Variants in FRMPD1 observed in about 807,000 individuals in gnomAD.
The protein encoded by FRMPD1 is FERM and PDZ domain-containing protein 1.
Under a neutral mutation model 117.8 loss-of-function variants are expected in FRMPD1, and 76 were observed. The observed-to-expected ratio is 0.65, with a 90% CI of 0.54 to 0.78. FRMPD1 has a LOEUF of 0.78. Among genes scored for constraint, FRMPD1 ranks in the 30% least tolerant of loss-of-function variants. The pLI is 0.00. For synonymous variants in FRMPD1, 783 were observed against 770.4 expected, an observed-to-expected ratio of 1.02 and a Z score of -0.27; for missense variants, 1,786 against 1,964.5, an observed-to-expected ratio of 0.91 and a Z score of 1.72.
chr9:37,738,561 G>A (rs1261041576), intron 14 of FRMPD1, among the ~76,000 whole-genome samples: 1 of 152,062 alleles, frequency 6.6e-6, no homozygotes, highest in African/African-American at 2.4e-5. Flanking sequence ...CTGGTCTCGA[G>A]CCCCTGACCT....
At chr9:37,643,461 TG>T in the FRMPD1 span, among the ~76,000 whole-genome samples, 1 of 152,216 alleles carries the variant, frequency 6.6e-6, no homozygotes, top group African/African-American at 2.4e-5. Context: ...CAGTTTTCAG[TG>T]GTGTTCATTA....
chr9:37,707,624 T>G, intron 3 of FRMPD1, 51 bp downstream of exon 3: 1 of 1,458,830 alleles, frequency 6.9e-7, no homozygotes, highest in Non-Finnish European at 9.6e-7. Flanking sequence ...TAAGGGGAAA[T>G]AGCCCCAAAT....
intron 1 of FRMPD1, among the ~76,000 whole-genome samples, chr9:37,662,922 A>G (rs1821043615): frequency 6.6e-6 from 1 of 152,200 alleles, no homozygotes; most frequent in African/African-American, 2.4e-5. Flanking sequence ...AAGAGAATTA[A>G]TCTATCTTTT....
chr9:37,739,720 TA>T (rs1824292328), intron 14 of FRMPD1, among the ~76,000 whole-genome samples: 1 of 152,322 alleles, frequency 6.6e-6, no homozygotes, highest in East Asian at 1.9e-4. Context: ...CCAGGCAGGA[TA>T]GAACTGAGGT....
chr9:37,719,429 A>G (rs1823298252), intron 6 of FRMPD1, among the ~76,000 whole-genome samples: 1 of 152,200 alleles, frequency 6.6e-6, no homozygotes, highest in Non-Finnish European at 1.5e-5. Context: ...CTGTGACTCC[A>G]TTCTTCTGCC....
chr9:37,732,869 T>G (rs77326708), intron 10 of FRMPD1, among the ~76,000 whole-genome samples: 1,658 of 152,344 alleles, frequency 0.011, 27 homozygotes, highest in African/African-American at 0.038. Flanking sequence ...CTTAGAATTG[T>G]TCTGGACAGC....
intron 1 of FRMPD1, among the ~76,000 whole-genome samples, chr9:37,680,513 G>A (rs903911075): frequency 1.3e-5 from 2 of 152,196 alleles, no homozygotes; most frequent in African/African-American, 2.4e-5. Context: ...TGTTTTGCAG[G>A]TGTGGTGGTC....
intron 1 of FRMPD1, among the ~76,000 whole-genome samples, chr9:37,657,681 C>G (rs1247672251): frequency 6.6e-6 from 1 of 152,218 alleles, no homozygotes; most frequent in Non-Finnish European, 1.5e-5. Flanking sequence ...GTACTTAGCT[C>G]TTTGCAAAAA....
At chr9:37,647,832 G>A (rs1588896782), upstream of FRMPD1, among the ~76,000 whole-genome samples, 1 of 152,200 alleles carries the variant, frequency 6.6e-6, no homozygotes, top group Non-Finnish European at 1.5e-5. Context: ...GGAAGAAGAA[G>A]TTTGTCCAAT....
At position 37,707,701 on chromosome 9, in the gene FRMPD1, C is replaced by G. The variant is rs1822764358; in HGVS notation, c.259+128C>G. ...TACCTGGGAAGTTAGAAAAGGCACA[C>G]CTAATTCTGTCTTGGGCTTTGCACC... On this transcript the variant is annotated intron_variant, in intron 3 of 15. Coordinates refer to ENST00000377765, the MANE Select transcript of FRMPD1 (RefSeq NM_014907.3). The G allele has an allele frequency of 1.4e-5, 11 of 776,798 alleles. No homozygotes were observed. The Admixed American group carries it at 2.5e-4, about 17-fold the overall frequency. 48.1% of individuals were successfully genotyped at this position (776,798 alleles called of 1,614,324 possible).
intron 7 of FRMPD1, among the ~76,000 whole-genome samples, chr9:37,727,317 A>C (rs1376152576): frequency 6.6e-6 from 1 of 152,158 alleles, no homozygotes; most frequent in African/African-American, 2.4e-5. Context: ...TGAGTATTTT[A>C]GGTTTTGCAG....
At chr9:37,638,609 C>T in the FRMPD1 span, among the ~76,000 whole-genome samples, 2 of 152,130 alleles carry the variant, frequency 1.3e-5, no homozygotes, top group African/African-American at 2.4e-5. Context: ...TGCAGAAAGT[C>T]GAGGATGTCT....
the FRMPD1 span, among the ~76,000 whole-genome samples, chr9:37,605,562 C>T: frequency 6.6e-6 from 1 of 152,130 alleles, no homozygotes; most frequent in Non-Finnish European, 1.5e-5. Context: ...AGAGGAGCCC[C>T]CTGCTAATGG....
chr9:37,693,075 C>T (rs1304669814), intron 2 of FRMPD1: 4 of 287,422 alleles, frequency 1.4e-5, no homozygotes, highest in Non-Finnish European at 2.7e-5. Flanking sequence ...AGCACACACT[C>T]ATACATACAC....
chr9:37,671,193 C>T (rs1161331697), intron 1 of FRMPD1, among the ~76,000 whole-genome samples: 7 of 152,228 alleles, frequency 4.6e-5, no homozygotes, highest in Admixed American at 4.6e-4. Context: ...ACTCAGCCTC[C>T]AGAGCTGTTT....
chr9:37,737,494 T>A (rs1381231618), intron 14 of FRMPD1, among the ~76,000 whole-genome samples: 3 of 152,190 alleles, frequency 2.0e-5, no homozygotes, highest in Non-Finnish European at 4.4e-5. Flanking sequence ...CCCTGCTGTA[T>A]TTCCTAAGAT....
chr9:37,626,283 C>T, the FRMPD1 span, among the ~76,000 whole-genome samples: 3 of 151,890 alleles, frequency 2.0e-5, no homozygotes, highest in South Asian at 4.2e-4. Context: ...GAGTCGAGAT[C>T]GCGCCACTGC....
At chr9:37,738,014 C>T (rs1563959984) in intron 14 of FRMPD1, among the ~76,000 whole-genome samples, 1 of 152,180 alleles carries the variant, frequency 6.6e-6, no homozygotes, top group African/African-American at 2.4e-5. Flanking sequence ...CAGTTTCTGC[C>T]AGGCTTTTGC....
intron 1 of FRMPD1, among the ~76,000 whole-genome samples, chr9:37,659,938 A>AAT (rs1360641728): frequency 1.3e-5 from 2 of 148,154 alleles, no homozygotes; most frequent in African/African-American, 5.1e-5. Context: ...AAAAAAACAA[A>AAT]ACTGAGGGGC....
Sources: allele counts gnomAD v4.1 joint callset (sites outside exome capture counted in the v4.1 genomes callset), GRCh38; gene constraint gnomAD v4.1.1; transcripts MANE v1.5; gene names NCBI Gene and HGNC (gene_info 2026-07-23, HGNC 2026-07-21).